Variants in CMSS1 observed in about 807,000 individuals in gnomAD.
CMSS1 encodes cms1 ribosomal small subunit homolog, also known as protein CMSS1.
A neutral mutation model predicts 43.5 loss-of-function variants in CMSS1; 33 were observed. That is an observed-to-expected ratio of 0.76 (90% confidence interval 0.57 to 1.01). The LOEUF (loss-of-function observed/expected upper bound fraction) is 1.01. CMSS1 is among the 50% of genes least tolerant of loss of function. The probability of loss-of-function intolerance (pLI) is 0.00; values close to 1 mark genes in which losing one functional copy is unlikely to be tolerated. For synonymous variants in CMSS1, 115 were observed against 117.2 expected (o/e 0.98, Z 0.12); for missense variants, 313 against 326.4 (o/e 0.96, Z 0.32).
chr3:99,818,121 C>T (rs949458977), intron 1 of CMSS1, 78 bp downstream of exon 1: 11 of 1,419,498 alleles, frequency 7.7e-6, no homozygotes, highest in African/African-American at 1.4e-5. Flanking sequence ...TCGCTTCTGG[C>T]GATCGCGGTG....
chr3:99,959,101 A>C (rs1459875032), intron 1 of CMSS1, among the ~76,000 whole-genome samples: 1 of 152,236 alleles, frequency 6.6e-6, no homozygotes, highest in African/African-American at 2.4e-5. Context: ...AATTTAAAAA[A>C]AATTCATTGT....
chr3:100,003,085 G>C (rs1179689768), intron 1 of CMSS1, among the ~76,000 whole-genome samples: 1 of 152,072 alleles, frequency 6.6e-6, no homozygotes. Flanking sequence ...CACATACTGA[G>C]GTACTGCCAT....
At chr3:100,145,363 G>A (rs958825816) in intron 1 of CMSS1, among the ~76,000 whole-genome samples, 8 of 151,990 alleles carry the variant, frequency 5.3e-5, no homozygotes, top group African/African-American at 1.5e-4. Flanking sequence ...CAGGAGAATC[G>A]CTTGAATCCG....
chr3:99,919,733 A>G (rs1274998501), intron 1 of CMSS1, among the ~76,000 whole-genome samples: 1 of 152,154 alleles, frequency 6.6e-6, no homozygotes, highest in Non-Finnish European at 1.5e-5. Flanking sequence ...GCCTGTCATA[A>G]TAGAAAAGGA....
Position 100,176,379 on chromosome 3 carries a change from A to G in CMSS1, c.720A>G (p.Arg240=). 1 of 1,613,448 alleles carries G rather than the reference A, an allele frequency of 6.2e-7. No individual in the cohort carries two copies. The highest frequency in any genetic ancestry group is 2.2e-5 in the East Asian group (1 of 44,860). Residue 240 remains arginine (R), a synonymous_variant, in exon 9 of 10, where the codon AGA becomes AGG. Transcript: ENST00000421999. ...TTCTGGTTTTTGACTGGAACTGGAG[A>G]GATCAGAAGTTGAGGAGAATGATGG... ...LKFLVFDWNW[R]DQKLRRMMDI...
intron 1 of CMSS1, among the ~76,000 whole-genome samples, chr3:100,088,644 C>T (rs2066052943): frequency 6.6e-6 from 1 of 152,134 alleles, no homozygotes. Context: ...TTCTCTCCTT[C>T]TCTGCAGTTT....
intron 1 of CMSS1, among the ~76,000 whole-genome samples, chr3:99,911,466 T>C (rs1412318903): frequency 6.6e-6 from 1 of 152,018 alleles, no homozygotes; most frequent in Non-Finnish European, 1.5e-5. Flanking sequence ...GGTTGAGATT[T>C]TTCTGCATGA....
At chr3:99,894,246 G>T (rs1339901743) in intron 1 of CMSS1, among the ~76,000 whole-genome samples, 1 of 152,190 alleles carries the variant, frequency 6.6e-6, no homozygotes, top group Non-Finnish European at 1.5e-5. Flanking sequence ...TACTCTTTCA[G>T]TGCTAAGGGA....
chr3:100,070,455 T>C (rs2107370896), intron 1 of CMSS1, among the ~76,000 whole-genome samples: 1 of 152,342 alleles, frequency 6.6e-6, no homozygotes, highest in South Asian at 2.1e-4. Context: ...ATAATGTTGA[T>C]TTATTCTCCC....
Position 100,181,368 on chromosome 3 carries a change from C to G in CMSS1, c.*2980C>G, listed in dbSNP as rs889874261. Reference sequence around the variant, plus strand: ...TAAAAAATAGAGAATTCCCATATCCCCTTCCCTGAGCTTTCCCTGTGTTAA... The same window carrying G: ...TAAAAAATAGAGAATTCCCATATCCGCTTCCCTGAGCTTTCCCTGTGTTAA... On this transcript the variant is annotated 3_prime_UTR_variant, in exon 10 of 10. Transcript: ENST00000421999. 4 of 152,122 alleles carry G rather than the reference C, an allele frequency of 2.6e-5. No homozygotes were observed. The East Asian group carries it at 7.7e-4, about 29-fold the overall frequency. The allele number at this position is 152,122 out of a possible 1,614,324, so 9.4% of individuals were successfully genotyped here. A position where few individuals can be genotyped will look rare whatever the true frequency, so the allele number is the denominator to read the frequency against.
chr3:99,919,699 G>A (rs1707063685), intron 1 of CMSS1, among the ~76,000 whole-genome samples: 1 of 152,040 alleles, frequency 6.6e-6, no homozygotes, highest in African/African-American at 2.4e-5. Flanking sequence ...TAGTCACCTT[G>A]TCTGATGCAG....
chr3:100,016,836 T>C (rs914995216), intron 1 of CMSS1, among the ~76,000 whole-genome samples: 2 of 152,244 alleles, frequency 1.3e-5, no homozygotes, highest in African/African-American at 4.8e-5. Flanking sequence ...TAGGAACAGA[T>C]GCAGATTTCA....
chr3:100,070,615 G>GGGGTTT (rs1240626414), intron 1 of CMSS1, among the ~76,000 whole-genome samples: 15 of 152,032 alleles, frequency 9.9e-5, no homozygotes, highest in Admixed American at 9.8e-4. Flanking sequence ...ATATCATCGT[G>GGGGTTT]GGGTTTTTTT....
chr3:100,061,856 T>C (rs994163320), intron 1 of CMSS1, among the ~76,000 whole-genome samples: 3 of 152,156 alleles, frequency 2.0e-5, no homozygotes, highest in African/African-American at 7.2e-5. Context: ...TTCACTTTTT[T>C]CATTTATTCA....
intron 1 of CMSS1, among the ~76,000 whole-genome samples, chr3:100,102,364 G>A (rs986686319): frequency 3.9e-5 from 6 of 152,064 alleles, no homozygotes; most frequent in African/African-American, 1.4e-4. Flanking sequence ...CATTTCTCGG[G>A]TGTTAAGAGG....
chr3:100,037,036 C>T (rs968863397), intron 1 of CMSS1, among the ~76,000 whole-genome samples: 3 of 152,092 alleles, frequency 2.0e-5, no homozygotes, highest in Non-Finnish European at 2.9e-5. Context: ...ACCAAAGAGA[C>T]ATAAAAACTA....
chr3:99,845,009 G>A (rs1326205361), intron 1 of CMSS1, among the ~76,000 whole-genome samples: 1 of 152,114 alleles, frequency 6.6e-6, no homozygotes, highest in Non-Finnish European at 1.5e-5. Flanking sequence ...CTTTATAGCA[G>A]TATAAAAATG....
chr3:100,141,519 C>T (rs749107091), intron 1 of CMSS1: 2 of 455,956 alleles, frequency 4.4e-6, no homozygotes, highest in Non-Finnish European at 8.8e-6. Context: ...ACTGTATGAT[C>T]CCATTGCCAG....
intron 1 of CMSS1, among the ~76,000 whole-genome samples, chr3:99,831,629 A>G (rs1313910759): frequency 6.6e-6 from 1 of 152,208 alleles, no homozygotes; most frequent in Non-Finnish European, 1.5e-5. Context: ...AGCCTTCCCA[A>G]GATGGATTTC....
Sources: allele counts gnomAD v4.1 joint callset (sites outside exome capture counted in the v4.1 genomes callset), GRCh38; gene constraint gnomAD v4.1.1; transcripts MANE v1.5; gene names NCBI Gene and HGNC (gene_info 2026-07-23, HGNC 2026-07-21).